COX7B2: variants seen among roughly 807,000 people sequenced by gnomAD.
COX7B2 encodes the protein cytochrome c oxidase subunit 7B2, also known as cytochrome c oxidase subunit 7B2, mitochondrial.
For synonymous variants in COX7B2, 37 were observed against 32.1 expected, an observed-to-expected ratio of 1.15 and a Z score of -0.51; for missense variants, 109 against 95.9, an observed-to-expected ratio of 1.14 and a Z score of -0.57.
chr4:46,863,473 A>G (rs1430295165), intron 1 of COX7B2, among the ~76,000 whole-genome samples: 1 of 152,210 alleles, frequency 6.6e-6, no homozygotes, highest in Non-Finnish European at 1.5e-5. Context: ...GGAATTGTTT[A>G]TAATTGTCTT....
chr4:46,827,341 T>C (rs1014187375), intron 2 of COX7B2, among the ~76,000 whole-genome samples: 1 of 151,426 alleles, frequency 6.6e-6, no homozygotes, highest in East Asian at 1.9e-4. Flanking sequence ...AAGCTACAGA[T>C]AGAGAATCTT....
At chr4:46,877,354 C>T (rs1212326071) in intron 1 of COX7B2, among the ~76,000 whole-genome samples, 1 of 152,196 alleles carries the variant, frequency 6.6e-6, no homozygotes, top group Non-Finnish European at 1.5e-5. Flanking sequence ...CTGGATAAAA[C>T]ATCTTTCACT....
At chr4:46,818,359 C>T (rs1483222185) in intron 2 of COX7B2, among the ~76,000 whole-genome samples, 1 of 152,120 alleles carries the variant, frequency 6.6e-6, no homozygotes, top group Non-Finnish European at 1.5e-5. Context: ...GGAAGCCGGG[C>T]GCCGTGGCTC....
intron 2 of COX7B2, among the ~76,000 whole-genome samples, chr4:46,832,168 A>G (rs1014510326): frequency 4.6e-5 from 7 of 152,032 alleles, no homozygotes; most frequent in Admixed American, 6.6e-5. Flanking sequence ...TTTGCTATAA[A>G]TTTTGCTACT....
chr4:46,745,503 G>T (rs1337671809), intron 2 of COX7B2, among the ~76,000 whole-genome samples: 1 of 152,048 alleles, frequency 6.6e-6, no homozygotes, highest in African/African-American at 2.4e-5. Context: ...CTTTTAACAA[G>T]ATATTGGTAA....
At chr4:46,759,225 G>A (rs566212452) in intron 2 of COX7B2, among the ~76,000 whole-genome samples, 75 of 152,100 alleles carry the variant, frequency 4.9e-4, no homozygotes, top group African/African-American at 1.8e-3. Context: ...ATAGAGAAAC[G>A]AGGCACCAGA....
At chr4:46,798,066 T>G (rs1440083269) in intron 2 of COX7B2, among the ~76,000 whole-genome samples, 1 of 152,192 alleles carries the variant, frequency 6.6e-6, no homozygotes, top group Non-Finnish European at 1.5e-5. Context: ...GACATTATGT[T>G]AATTGGAACT....
chr4:46,850,994 C>G (rs1324436244), intron 1 of COX7B2, among the ~76,000 whole-genome samples: 1 of 151,896 alleles, frequency 6.6e-6, no homozygotes, highest in East Asian at 1.9e-4. Context: ...CTAAGAAATA[C>G]CAAGAACATG....
chr4:46,907,848 C>CTTTTTTTTTTTTTT (rs35024713), intron 1 of COX7B2, among the ~76,000 whole-genome samples: 4 of 59,718 alleles, frequency 6.7e-5, no homozygotes, highest in Non-Finnish European at 9.2e-5. Context: ...TTTGAGCAGA[C>CTTTTTTTTTTTTTT]TTTTTTTTTT....
intron 1 of COX7B2, among the ~76,000 whole-genome samples, chr4:46,886,507 G>A (rs776648672): frequency 4.6e-5 from 7 of 151,954 alleles, no homozygotes; most frequent in South Asian, 2.1e-4. Context: ...TCTATCCAGC[G>A]TATTTTCATA....
At chr4:46,773,548 C>A (rs1233156620) in intron 2 of COX7B2, among the ~76,000 whole-genome samples, 1 of 151,956 alleles carries the variant, frequency 6.6e-6, no homozygotes, top group African/African-American at 2.4e-5. Context: ...TGGACTAATA[C>A]ATAAGGAAAA....
intron 2 of COX7B2, among the ~76,000 whole-genome samples, chr4:46,834,824 C>T (rs1374205912): frequency 6.6e-6 from 1 of 151,668 alleles, no homozygotes; most frequent in Non-Finnish European, 1.5e-5. Flanking sequence ...AAAAACAAAA[C>T]CACATTAAAA....
chr4:46,848,144 G>A (rs1228200464), intron 1 of COX7B2, among the ~76,000 whole-genome samples: 1 of 151,976 alleles, frequency 6.6e-6, no homozygotes, highest in African/African-American at 2.4e-5. Context: ...GCCTTACTAG[G>A]CTCCTAAGAC....
chr4:46,781,685 G>A (rs1012888022), intron 2 of COX7B2, among the ~76,000 whole-genome samples: 3 of 152,192 alleles, frequency 2.0e-5, no homozygotes, highest in African/African-American at 7.2e-5. Flanking sequence ...GGAAGGAGAG[G>A]GAATGGTGGG....
At chr4:46,865,782 G>A (rs2109811287) in intron 1 of COX7B2, among the ~76,000 whole-genome samples, 1 of 152,178 alleles carries the variant, frequency 6.6e-6, no homozygotes, top group South Asian at 2.1e-4. Context: ...CTTGGTTGCC[G>A]ACTCTGTCAT....
chr4:46,887,434 G>A (rs996370375), intron 1 of COX7B2, among the ~76,000 whole-genome samples: 2 of 152,090 alleles, frequency 1.3e-5, no homozygotes, highest in East Asian at 1.9e-4. Flanking sequence ...TATCCTGGCC[G>A]GGCACAGTGG....
At chr4:46,787,964 T>C (rs913273346) in intron 2 of COX7B2, among the ~76,000 whole-genome samples, 1 of 152,212 alleles carries the variant, frequency 6.6e-6, no homozygotes, top group African/African-American at 2.4e-5. Context: ...TCTTAACATG[T>C]ATGGCCTCTG....
At position 46,775,441 on chromosome 4, in the gene COX7B2, C is replaced by T. The variant is rs970904175; in HGVS notation, c.-49-40200G>A. On this transcript the variant is annotated intron_variant, in intron 2 of 2. Coordinates refer to ENST00000355591, the MANE Select transcript of COX7B2 (RefSeq NM_130902.3). Reference sequence around the variant, plus strand: ...AGAATGCTCAGTTTTTAGACTTTTACATTTTCCTGAAGTATATGACACATT... The same window carrying T: ...AGAATGCTCAGTTTTTAGACTTTTATATTTTCCTGAAGTATATGACACATT... Among the ~76,000 whole-genome samples the T allele has an allele frequency of 4.6e-5, 7 of 152,082 alleles. No homozygotes were observed. In the East Asian group the frequency reaches 1.3e-3, roughly 29 times the overall value.
chr4:46,835,946 AT>A (rs1715487423), intron 2 of COX7B2, among the ~76,000 whole-genome samples: 1 of 152,178 alleles, frequency 6.6e-6, no homozygotes, highest in African/African-American at 2.4e-5. Flanking sequence ...GAGGGTAATG[AT>A]TTATGTACCT....
Sources: allele counts gnomAD v4.1 joint callset (sites outside exome capture counted in the v4.1 genomes callset), GRCh38; gene constraint gnomAD v4.1.1; transcripts MANE v1.5; gene names NCBI Gene and HGNC (gene_info 2026-07-23, HGNC 2026-07-21).